Variants in GFM1 observed in about 807,000 individuals in gnomAD.
GFM1 encodes the protein elongation factor G, mitochondrial.
Under a neutral mutation model 96.2 loss-of-function variants are expected in GFM1, and 62 were observed. That is an observed-to-expected ratio of 0.64 (90% confidence interval 0.53 to 0.80). GFM1 has a LOEUF of 0.80. Among genes scored for constraint, GFM1 ranks in the 30% least tolerant of loss-of-function variants. The pLI is 0.00. For missense variants in GFM1, 852 were observed against 916.6 expected (o/e 0.93, Z 0.91); for synonymous variants, 282 against 312.9 (o/e 0.90, Z 1.04).
intron 15 of GFM1, chr3:158,685,339 C>G (rs767607003): frequency 7.9e-5 from 12 of 152,220 alleles, no homozygotes; most frequent in Non-Finnish European, 1.6e-4. Flanking sequence ...TTTCCTGAAG[C>G]CAGAAAATTC....
Position 158,691,563 on chromosome 3 carries a change from GA to G in GFM1, c.*99del, listed in dbSNP as rs1467371598. On this transcript the variant is annotated 3_prime_UTR_variant, in exon 18 of 18. Transcript: ENST00000486715. Reference sequence around the variant, plus strand: ...GAATAAATTCAGGCTGCTGAAACAAGAAATTCTGAGCCCAGGAAGCGGGCTC... The same window carrying G: ...GAATAAATTCAGGCTGCTGAAACAAGAATTCTGAGCCCAGGAAGCGGGCTC... The G allele has an allele frequency of 7.2e-7, 1 of 1,396,368 alleles. No homozygotes were observed. Among genetic ancestry groups the G allele is most frequent in the East Asian group, 2.3e-5 (1 of 43,634 alleles). The allele number at this position is 1,396,368 out of a possible 1,614,324, so 86.5% of individuals were successfully genotyped here. A position where few individuals can be genotyped will look rare whatever the true frequency, so the allele number is the denominator to read the frequency against.
rs186598831 is a variant in GFM1, at chr3:158,688,284, G to A, written c.1910-1879G>A. On this transcript the variant is annotated intron_variant, in intron 15 of 17. Transcript: ENST00000486715. ...CAATGTGGCTATTGAAAAATGGCAG[G>A]CGAGTTGGCTTTGGAATCTTATCTT... 8.9e-4 allele frequency among the ~76,000 whole-genome samples: 136 copies of A among 152,260 alleles called. 1 individual carries two copies. The highest frequency in any genetic ancestry group is 1.9e-3 in the Admixed American group (29 of 15,286).
At chr3:158,672,278 C>A in intron 13 of GFM1, 1 of 1,586,158 alleles carries the variant, frequency 6.3e-7, no homozygotes, top group Non-Finnish European at 8.6e-7. Flanking sequence ...CACCCAAAGG[C>A]TGAGACCGCG....
Position 158,693,639 on chromosome 3 carries a change from T to C in GFM1, c.*2172T>C, listed in dbSNP as rs982408213. 1 of 152,232 alleles carries C rather than the reference T, an allele frequency of 6.6e-6. No homozygotes were observed. The highest frequency in any genetic ancestry group is 2.4e-5 in the African/African-American group (1 of 41,466). The allele number at this position is 152,232 out of a possible 1,614,324, so 9.4% of individuals were successfully genotyped here. On this transcript the variant is annotated 3_prime_UTR_variant, in exon 18 of 18. Coordinates refer to ENST00000486715, the MANE Select transcript of GFM1 (RefSeq NM_024996.7). ...GGAAAAAAATTAATGAGAATATTCA[T>C]AGGTGAGGGTTGTTTATACTACTAT... is the stretch of plus-strand genomic sequence containing the variant.
Position 158,692,895 on chromosome 3 carries a change from A to G in GFM1, c.*1428A>G, listed in dbSNP as rs930936723. Among the ~76,000 whole-genome samples the G allele has an allele frequency of 2.0e-5, 3 of 151,896 alleles. No homozygotes were observed. Among genetic ancestry groups the G allele is most frequent in the African/African-American group, 7.3e-5 (3 of 41,326 alleles). Reference sequence around the variant, plus strand: ...TTTTGAAGAGATAGGGTTTTGCCATATTGCCCAGGCTGGTCTCAAACTCCT... The same window carrying G: ...TTTTGAAGAGATAGGGTTTTGCCATGTTGCCCAGGCTGGTCTCAAACTCCT... On this transcript the variant is annotated 3_prime_UTR_variant, in exon 18 of 18. Transcript: ENST00000486715.
intron 13 of GFM1, chr3:158,668,963 C>G (rs770377147): frequency 1.3e-5 from 20 of 1,527,914 alleles, no homozygotes; most frequent in Admixed American, 1.8e-5. Context: ...AATATTAACC[C>G]CATTAATAGT....
At chr3:158,674,522 T>C (rs1053891146) in intron 13 of GFM1, among the ~76,000 whole-genome samples, 7 of 152,146 alleles carry the variant, frequency 4.6e-5, no homozygotes, top group Non-Finnish European at 2.9e-5. Flanking sequence ...TGGGGAACTT[T>C]GACATGAAGA....
intron 9 of GFM1, among the ~76,000 whole-genome samples, chr3:158,659,474 T>C (rs1422094090): frequency 1.3e-5 from 2 of 152,238 alleles, no homozygotes; most frequent in African/African-American, 4.8e-5. Context: ...CCTTCTGAAA[T>C]ACGGCAGGCA....
In GFM1 at chr3:158,658,825, TAGAGA is replaced by T. The variant is rs144179204; in HGVS notation, c.1084-95_1084-91del. ...ATGTAAGATAGATTACTAAAATTGG[TAGAGA>T]ATACTTGGAGGGAGTTATGAAGCTT... On this transcript the variant is annotated intron_variant, in intron 8 of 17. Transcript: ENST00000486715. 9.6e-5 allele frequency: 123 copies of T among 1,285,946 alleles called. No individual in the cohort carries two copies. The African/African-American group carries it at 1.8e-3, about 18-fold the overall frequency. 79.7% of individuals were successfully genotyped at this position (1,285,946 alleles called of 1,614,324 possible). A position where few individuals can be genotyped will look rare whatever the true frequency, so the allele number is the denominator to read the frequency against.
At chr3:158,680,812 A>G (rs1270555525) in intron 13 of GFM1, among the ~76,000 whole-genome samples, 1 of 152,128 alleles carries the variant, frequency 6.6e-6, no homozygotes, top group Non-Finnish European at 1.5e-5. Context: ...ATAAATTCAG[A>G]TATGGTTCCT....
At chr3:158,667,944 C>T (rs1723872255) in intron 13 of GFM1, among the ~76,000 whole-genome samples, 1 of 152,146 alleles carries the variant, frequency 6.6e-6, no homozygotes, top group Non-Finnish European at 1.5e-5. Context: ...GTAATTTGAA[C>T]ACAAAACTTA....
chr3:158,684,304 T>G (rs1357752642), intron 14 of GFM1, among the ~76,000 whole-genome samples: 1 of 151,982 alleles, frequency 6.6e-6, no homozygotes, highest in African/African-American at 2.4e-5. Flanking sequence ...CCCCATGACA[T>G]AAGTTTACCT....
intron 11 of GFM1, 138 bp downstream of exon 11, chr3:158,662,822 CT>C: frequency 1.4e-6 from 1 of 692,464 alleles, no homozygotes; most frequent in South Asian, 1.6e-5. Flanking sequence ...TTGAGATCTT[CT>C]TTTTAAATTT....
Position 158,651,148 on chromosome 3 carries a change from G to C in GFM1, c.690-948G>C, listed in dbSNP as rs541406794. 2.6e-5 allele frequency: 4 copies of C among 151,976 alleles called. No individual in the cohort carries two copies. The East Asian group carries it at 7.7e-4, about 29-fold the overall frequency. The allele number at this position is 151,976 out of a possible 1,614,324, so 9.4% of individuals were successfully genotyped here. A position where few individuals can be genotyped will look rare whatever the true frequency, so the allele number is the denominator to read the frequency against. On this transcript the variant is annotated intron_variant, in intron 5 of 17. Coordinates refer to ENST00000486715, the MANE Select transcript of GFM1 (RefSeq NM_024996.7). ...TGTAATTTTACCTGTTCAACCTCTG[G>C]TGTAATGGAGAACTGATGTCACAGA...
chr3:158,674,334 C>T (rs899962393), intron 13 of GFM1, among the ~76,000 whole-genome samples: 1 of 152,138 alleles, frequency 6.6e-6, no homozygotes, highest in African/African-American at 2.4e-5. Flanking sequence ...GTTAGGATTA[C>T]AGGCATGAGC....
At position 158,645,786 on chromosome 3, in the gene GFM1, A is replaced by G. The variant is rs368757090; in HGVS notation, c.234+5A>G. On this transcript the variant is annotated splice_donor_5th_base_variant and intron_variant, in intron 2 of 17. Transcript: ENST00000486715. ...AGAATTGCAAAGATGCATGAGGTAT[A>G]TATTCACGGTTGATTCCGGATTAAT... 4.4e-6 allele frequency: 7 copies of G among 1,606,862 alleles called. No individual in the cohort carries two copies. The African/African-American group carries it at 5.3e-5, about 12-fold the overall frequency.
chr3:158,684,867 T>A, intron 15 of GFM1, 199 bp downstream of exon 15: 1 of 576,370 alleles, frequency 1.7e-6, no homozygotes, highest in Non-Finnish European at 3.1e-6. Context: ...AAAAGACTAC[T>A]GTATTCTCCT....
intron 13 of GFM1, among the ~76,000 whole-genome samples, chr3:158,668,823 C>G (rs563243334): frequency 6.6e-6 from 1 of 152,314 alleles, no homozygotes; most frequent in South Asian, 2.1e-4. Context: ...TTGGACTCTT[C>G]CTACAATTCT....
chr3:158,668,673 T>C (rs1395068078), intron 13 of GFM1, among the ~76,000 whole-genome samples: 1 of 152,244 alleles, frequency 6.6e-6, no homozygotes, highest in Non-Finnish European at 1.5e-5. Flanking sequence ...TGCCTTGCTT[T>C]TGTTATGCTT....
Sources: gnomAD v4.1 joint callset for allele counts (sites outside exome capture counted in the v4.1 genomes callset) on GRCh38, gnomAD v4.1.1 for gene constraint, MANE v1.5 for transcripts, NCBI Gene and HGNC (gene_info 2026-07-23, HGNC 2026-07-21) for gene names.